ARHGAP30: variants seen among roughly 807,000 people sequenced by gnomAD.
ARHGAP30 encodes the protein rho GTPase-activating protein 30.
ARHGAP30 carries 23 observed loss-of-function variants against 72.0 expected under a neutral mutation model. The ratio of observed to expected loss-of-function variants is 0.32; its 90% CI spans 0.23 to 0.45. The LOEUF (loss-of-function observed/expected upper bound fraction) is 0.45. ARHGAP30 is among the 20% of genes least tolerant of loss of function. The pLI, the probability that ARHGAP30 is intolerant of heterozygous loss-of-function variation, is 1.00. For synonymous variants in ARHGAP30, 576 were observed against 528.2 expected (o/e 1.09, Z -1.24); for missense variants, 1,319 against 1,383.4 (o/e 0.95, Z 0.74).
chr1:161,052,159 G>T, intron 9 of ARHGAP30, 127 bp downstream of exon 9: 1 of 965,132 alleles, frequency 1.0e-6, no homozygotes, highest in African/African-American at 1.6e-5. Flanking sequence ...CAATGTGGCT[G>T]GTATATAATA....
In ARHGAP30 at chr1:161,051,401, G is replaced by A. The variant is rs1489841985; in HGVS notation, c.1333C>T (p.Arg445Cys). The A allele has an allele frequency of 1.2e-5, 19 of 1,613,976 alleles. No homozygotes were observed. The highest frequency in any genetic ancestry group is 1.5e-5 in the Non-Finnish European group (18 of 1,180,050). The change falls in exon 10 of 12, where the codon CGT becomes TGT. Residue 445 changes from arginine to cysteine, a missense_variant. Coordinates refer to ENST00000368013, the MANE Select transcript of ARHGAP30 (RefSeq NM_001025598.2). ...ISNVSLARLT[R>C]GLECPALQHR... ...TGTAGAGCAGGGCACTCAAGGCCAC[G>A]GGTGAGCCTGGCCAAGGAAACGTTA...
At chr1:161,064,606 A>T (rs1302663249) in intron 1 of ARHGAP30, among the ~76,000 whole-genome samples, 1 of 151,882 alleles carries the variant, frequency 6.6e-6, no homozygotes, top group Non-Finnish European at 1.5e-5. Flanking sequence ...AAAAAACAAA[A>T]AATTAGCAGG....
At position 161,051,350 on chromosome 1, in the gene ARHGAP30, G is replaced by A; in HGVS notation, c.1384C>T (p.Pro462Ser). The change falls in exon 10 of 12, where the codon CCT (proline) becomes TCT (serine). Residue 462 changes from proline (P) to serine (S), a missense_variant. Around this residue, in one of 2 missense-constraint regions of ARHGAP30, gnomAD observed 1,097 missense variants for 1,045.2 expected, o/e 1.05. Transcript: ENST00000368013. ...LQHRPSPASG[P>S]GPGPGLGPGP... ...GGGCCAAGGCCAGGGCCAGGGCCAGGGCCAGAGGCAGGGCTTGGCCGGTGC... is the reference window on the plus strand; with the variant it reads ...GGGCCAAGGCCAGGGCCAGGGCCAGAGCCAGAGGCAGGGCTTGGCCGGTGC... The A allele has an allele frequency of 6.2e-7, 1 of 1,611,918 alleles. No homozygotes were observed. The highest frequency in any genetic ancestry group is 8.5e-7 in the Non-Finnish European group (1 of 1,178,970).
At chr1:161,060,855 C>T (rs1218733205) in intron 1 of ARHGAP30, among the ~76,000 whole-genome samples, 1 of 151,706 alleles carries the variant, frequency 6.6e-6, no homozygotes, top group Admixed American at 6.6e-5. Context: ...ACGCCCGCCG[C>T]TACGTCTCCA....
rs1651586648 is a variant in ARHGAP30, at chr1:161,053,487, TC to T, written c.537-103del. The stretch of plus-strand genomic sequence containing the variant: ...TTCTCTCTCTCTCTCTCTCTCTCTC[TC>T]TCTCTCTCTCTCTCTCTCGAATGAC... On this transcript the variant is annotated intron_variant, in intron 5 of 11. Coordinates refer to ENST00000368013, the MANE Select transcript of ARHGAP30 (RefSeq NM_001025598.2). 8.6e-3 allele frequency: 10,397 copies of T among 1,202,246 alleles called. 25 individuals are homozygous for T. The highest frequency in any genetic ancestry group is 0.035 in the East Asian group (1,184 of 34,096). 74.5% of individuals were successfully genotyped at this position (1,202,246 alleles called of 1,614,324 possible). A position where few individuals can be genotyped will look rare whatever the true frequency, so the allele number is the denominator to read the frequency against.
chr1:161,057,709 G>A (rs541371976), intron 2 of ARHGAP30, among the ~76,000 whole-genome samples: 31 of 152,264 alleles, frequency 2.0e-4, no homozygotes, highest in African/African-American at 7.2e-4. Flanking sequence ...TACATTTACA[G>A]GGATGGCTAT....
chr1:161,063,800 A>G (rs944927525), intron 1 of ARHGAP30, among the ~76,000 whole-genome samples: 2 of 151,850 alleles, frequency 1.3e-5, no homozygotes, highest in Non-Finnish European at 2.9e-5. Flanking sequence ...AGGTCTCTGA[A>G]CGCCCCCCCC....
In ARHGAP30 at chr1:161,049,130, C is replaced by G. The variant is rs767093082; in HGVS notation, c.1891G>C (p.Gly631Arg). Residue 631 changes from glycine to arginine, a missense_variant, in exon 12 of 12, where the codon GGG (glycine) becomes CGG (arginine). Gly to Arg is a moderately radical substitution (Grantham distance 125). Around this residue, in one of 2 missense-constraint regions of ARHGAP30, gnomAD observed 1,097 missense variants for 1,045.2 expected, o/e 1.05. Transcript: ENST00000368013. ...GPKPPIWKGSGSLEGEAAGCG... is the reference protein window; with the variant it reads ...GPKPPIWKGSRSLEGEAAGCG... ...CCTGCTGCCTCTCCCTCCAGACTCC[C>G]TGAACCCTTCCAGATTGGGGGTTTA... 1.2e-6 allele frequency: 2 copies of G among 1,614,188 alleles called. No homozygotes were observed. Among genetic ancestry groups the G allele is most frequent in the African/African-American group, 2.7e-5 (2 of 75,064 alleles).
intron 1 of ARHGAP30, among the ~76,000 whole-genome samples, chr1:161,062,244 G>A (rs1217164364): frequency 6.6e-6 from 1 of 151,948 alleles, no homozygotes; most frequent in Non-Finnish European, 1.5e-5. Flanking sequence ...TTACAAATAC[G>A]AAATAAAATA....
chr1:161,056,341 T>TGTCCACCCCTGAGCCCTGTC, intron 3 of ARHGAP30, 47 bp downstream of exon 3: 1 of 1,594,466 alleles, frequency 6.3e-7, no homozygotes, highest in Non-Finnish European at 8.6e-7. Context: ...AAAACCAGGC[T>TGTCCACCCCTGAGCCCTGTC]GTCCACCCCT....
At chr1:161,063,104 C>A (rs534261689) in intron 1 of ARHGAP30, among the ~76,000 whole-genome samples, 48 of 152,324 alleles carry the variant, frequency 3.2e-4, no homozygotes, top group African/African-American at 1.2e-3. Flanking sequence ...TGAGCCACTG[C>A]GCCCAGCCAT....
chr1:161,064,823 GA>G (rs1242829760), intron 1 of ARHGAP30, among the ~76,000 whole-genome samples: 3 of 63,914 alleles, frequency 4.7e-5, no homozygotes, highest in African/African-American at 1.9e-4. Flanking sequence ...AAGAAAGAAA[GA>G]AAGAAAGAGA....
intron 6 of ARHGAP30, 135 bp downstream of exon 6, chr1:161,053,123 C>A: frequency 7.5e-7 from 1 of 1,325,274 alleles, no homozygotes; most frequent in East Asian, 2.3e-5. Flanking sequence ...CAATTATCTC[C>A]CCAGGGTTCT....
chr1:161,056,659 G>A (rs1301133911), intron 2 of ARHGAP30, 127 bp from the exon 3 acceptor site: 1 of 1,033,498 alleles, frequency 9.7e-7, no homozygotes. Context: ...GGAGAATGTT[G>A]GGACACGTAC....
intron 1 of ARHGAP30, among the ~76,000 whole-genome samples, chr1:161,064,832 AG>A (rs1652625305): frequency 6.0e-5 from 2 of 33,368 alleles, no homozygotes; most frequent in African/African-American, 4.0e-4. Context: ...AGAAAGAAAG[AG>A]AAAGAAAGAA....
chr1:161,048,593 C>T lies in ARHGAP30; in HGVS notation c.2428G>A (p.Ala810Thr), dbSNP rs762297387. 6.2e-7 allele frequency: 1 copy of T among 1,614,108 alleles called. No individual in the cohort carries two copies. The highest frequency in any genetic ancestry group is 1.7e-5 in the Admixed American group (1 of 60,012). Residue 810 changes from alanine to threonine, a missense_variant, in exon 12 of 12, where the codon GCA (alanine) becomes ACA (threonine). Physicochemically the swap from Ala to Thr is moderately conservative, Grantham distance 58 (BLOSUM62 0). This residue lies in a region of ARHGAP30 where 1,097 missense variants were observed against 1,045.2 expected (regional missense o/e 1.05). Transcript: ENST00000368013. ...TCACCATCTCCTTGGTCTTTTCTTG[C>T]TTCATGGTACCCCTTCTCCCTCTGT... ...KGQREKGYHE[A>T]RKDQGDGEDS...
At position 161,049,035 on chromosome 1, in the gene ARHGAP30, C is replaced by T. The variant is rs1006405683; in HGVS notation, c.1986G>A (p.Gln662=). Residue 662 remains glutamine (Q), a synonymous_variant, in exon 12 of 12, where the codon CAG becomes CAA. Transcript: ENST00000368013. The stretch of plus-strand genomic sequence containing the variant: ...TGTCTAGCCTGCCTCCAGGCTCAGC[C>T]TGCTTGTCCTCCCCAACTTCCCAGC... ...QACWEVGEDK[Q]AEPGGRLDIR... is the part of the protein sequence containing the mutation. 6.2e-7 allele frequency: 1 copy of T among 1,614,120 alleles called. No individual in the cohort carries two copies. The highest frequency in any genetic ancestry group is 1.7e-5 in the Admixed American group (1 of 60,022).
chr1:161,066,644 C>CAAAAAA (rs60662116), intron 1 of ARHGAP30, among the ~76,000 whole-genome samples: 16 of 75,084 alleles, frequency 2.1e-4, no homozygotes, highest in South Asian at 5.4e-4. Flanking sequence ...GACTGCATCT[C>CAAAAAA]AAAAAAAAAA....
chr1:161,051,627 C>G lies in ARHGAP30; in HGVS notation c.1107G>C (p.Glu369Asp), dbSNP rs759203441. Residue 369 changes from glutamate to aspartate, a missense_variant, in exon 10 of 12, where the codon GAG becomes GAC. Around this residue, in one of 2 missense-constraint regions of ARHGAP30, gnomAD observed 1,097 missense variants for 1,045.2 expected, o/e 1.05. Transcript: ENST00000368013. Reference sequence around the variant, plus strand: ...CTTCTGCCTCAGGCTCCTGTTCACCCTCTGCTGCCTCTATAGAATCGTTCT... The same window carrying G: ...CTTCTGCCTCAGGCTCCTGTTCACCGTCTGCTGCCTCTATAGAATCGTTCT... ...SLENDSIEAA[E>D]GEQEPEAEAL... 1.4e-5 allele frequency: 23 copies of G among 1,613,240 alleles called. No individual in the cohort carries two copies. Among genetic ancestry groups the G allele is most frequent in the Non-Finnish European group, 1.9e-5 (22 of 1,180,044 alleles).
Sources: allele counts gnomAD v4.1 joint callset (sites outside exome capture counted in the v4.1 genomes callset), GRCh38; gene constraint gnomAD v4.1.1; regional missense constraint gnomAD v4.1.1; transcripts MANE v1.5; gene names NCBI Gene and HGNC (gene_info 2026-07-23, HGNC 2026-07-21).